OSBPL3: variants seen among roughly 807,000 people sequenced by gnomAD.
OSBPL3 encodes the protein oxysterol binding protein like 3.
OSBPL3 carries 65 observed loss-of-function variants against 120.1 expected under a neutral mutation model. The observed-to-expected ratio is 0.54, with a 90% confidence interval of 0.44 to 0.67. The LOEUF (loss-of-function observed/expected upper bound fraction) is 0.67. OSBPL3 is among the 30% of genes least tolerant of loss of function. The pLI is 0.00. For synonymous variants in OSBPL3, 416 were observed against 402.6 expected (o/e 1.03, Z -0.40); for missense variants, 1,004 against 1,082.1 (o/e 0.93, Z 1.01).
At chr7:24,842,257 A>G in intron 13 of OSBPL3, 22 bp downstream of exon 13, 6 of 1,609,792 alleles carry the variant, frequency 3.7e-6, no homozygotes, top group Non-Finnish European at 4.2e-6. Flanking sequence ...TTGAGGCACC[A>G]TACTGTAAAC....
Position 24,808,419 on chromosome 7 carries a change from TA to T in OSBPL3, c.2317+1387del, listed in dbSNP as rs201342514. Among the ~76,000 whole-genome samples the T allele has an allele frequency of 8.3e-3, 1,257 of 152,280 alleles. 32 individuals carry two copies. The highest frequency in any genetic ancestry group is 0.042 in the Admixed American group (636 of 15,300). ...AGGAATAATGACAGTAACAAAAATT[TA>T]AACAGTGTTGCTTTATCAAGGTGGT... On this transcript the variant is annotated intron_variant, in intron 20 of 22. Coordinates refer to ENST00000313367, the MANE Select transcript of OSBPL3 (RefSeq NM_015550.4). This position sits in a 1 kb window ranked among gnomAD's most constrained non-coding sequence, Gnocchi z 4.6.
In OSBPL3 at chr7:24,871,623, C is replaced by T; in HGVS notation, c.267+119G>A. 1 of 766,686 alleles carries T rather than the reference C, an allele frequency of 1.3e-6. No individual in the cohort carries two copies. Among genetic ancestry groups the T allele is most frequent in the South Asian group, 1.7e-5 (1 of 57,240 alleles). 47.5% of individuals were successfully genotyped at this position (766,686 alleles called of 1,614,324 possible). On this transcript the variant is annotated intron_variant, in intron 4 of 22. Transcript: ENST00000313367. The surrounding 1 kb of genome is among the most constrained non-coding windows in gnomAD (Gnocchi z 4.8). ...CCAGAGCTCAGACAGAAGTGTTTCC[C>T]CTCTATGGTTTCCAGTTCCGAGAAA...
rs546698398 is a variant in OSBPL3, at chr7:24,933,117, C to T, written c.-149-40496G>A. ...TCAGAGAGTAATAACAGGCCACGCACGCAGACGCCTGCAGAACTGGGACCC... is the reference window on the plus strand; with the variant it reads ...TCAGAGAGTAATAACAGGCCACGCATGCAGACGCCTGCAGAACTGGGACCC... On this transcript the variant is annotated intron_variant, in intron 1 of 22. Transcript: ENST00000313367. This position sits in a 1 kb window ranked among gnomAD's most constrained non-coding sequence, Gnocchi z 5.1. Among the ~76,000 whole-genome samples the T allele has an allele frequency of 9.2e-5, 14 of 152,328 alleles. No homozygotes were observed. The highest frequency in any genetic ancestry group is 6.2e-4 in the South Asian group (3 of 4,822).
intron 1 of OSBPL3, among the ~76,000 whole-genome samples, chr7:24,924,049 T>C (rs1398820120): frequency 6.6e-6 from 1 of 152,212 alleles, no homozygotes. Flanking sequence ...TTCTATAAAA[T>C]ATTGATACCT....
intron 19 of OSBPL3, among the ~76,000 whole-genome samples, chr7:24,810,715 C>G (rs1019081095): frequency 8.5e-5 from 13 of 152,180 alleles, no homozygotes; most frequent in African/African-American, 3.1e-4. Flanking sequence ...AAACCCATAT[C>G]AACCATTGTC....
rs1370598872 is a variant in OSBPL3 at position 24,834,984 on chromosome 7, C to T, written c.1496-248G>A. ...TTGAATTGCTCCTCAAAACCTAGTT[C>T]CTCATAGCTCATACACACTTAGAAT... On this transcript the variant is annotated intron_variant, in intron 14 of 22. Coordinates refer to ENST00000313367, the MANE Select transcript of OSBPL3 (RefSeq NM_015550.4). This position sits in a 1 kb window ranked among gnomAD's most constrained non-coding sequence, Gnocchi z 5.2. Among the ~76,000 whole-genome samples the T allele has an allele frequency of 6.6e-6, 1 of 152,154 alleles. No individual in the cohort carries two copies.
At position 24,871,560 on chromosome 7, in the gene OSBPL3, C is replaced by A. The variant is rs116085540; in HGVS notation, c.267+182G>T. Reference sequence around the variant, plus strand: ...CCAGAGAGTGTTGCGGGAGCCCCTGCACCTTGACCTGGTGGAAGAACTGAG... The same window carrying A: ...CCAGAGAGTGTTGCGGGAGCCCCTGAACCTTGACCTGGTGGAAGAACTGAG... On this transcript the variant is annotated intron_variant, in intron 4 of 22. Transcript: ENST00000313367. This position sits in a 1 kb window ranked among gnomAD's most constrained non-coding sequence, Gnocchi z 4.8. Among the ~76,000 whole-genome samples the A allele has an allele frequency of 6.6e-6, 1 of 152,160 alleles. No homozygotes were observed. The highest frequency in any genetic ancestry group is 2.4e-5 in the African/African-American group (1 of 41,420).
At chr7:24,897,106 C>T (rs560923688) in intron 1 of OSBPL3, among the ~76,000 whole-genome samples, 2 of 149,122 alleles carry the variant, frequency 1.3e-5, no homozygotes, top group Admixed American at 6.6e-5. Flanking sequence ...GGAAGGAAGG[C>T]AGGCAGGCAG....
rs1812693073 is a variant in OSBPL3, at chr7:24,938,609, A to G, written c.-150+41277T>C. On this transcript the variant is annotated intron_variant, in intron 1 of 22. Coordinates refer to ENST00000313367, the MANE Select transcript of OSBPL3 (RefSeq NM_015550.4). The surrounding 1 kb of genome is among the most constrained non-coding windows in gnomAD (Gnocchi z 5.8). Reference sequence around the variant, plus strand: ...TGAAGGCCAGAAGAAGGAAAAGTTGAAGAGCAAAAGGGTATACCTCCCAGC... The same window carrying G: ...TGAAGGCCAGAAGAAGGAAAAGTTGGAGAGCAAAAGGGTATACCTCCCAGC... 6.6e-6 allele frequency among the ~76,000 whole-genome samples: 1 copy of G among 152,116 alleles called. No homozygotes were observed. Among genetic ancestry groups the G allele is most frequent in the Non-Finnish European group, 1.5e-5 (1 of 68,020 alleles).
At chr7:24,919,574 G>A (rs1208603260) in intron 1 of OSBPL3, among the ~76,000 whole-genome samples, 1 of 151,936 alleles carries the variant, frequency 6.6e-6, no homozygotes, top group Non-Finnish European at 1.5e-5. Context: ...AGAAAACATA[G>A]GGGTAACTCT....
chr7:24,850,358 A>G (rs772322277), intron 11 of OSBPL3, among the ~76,000 whole-genome samples: 1 of 152,144 alleles, frequency 6.6e-6, no homozygotes, highest in African/African-American at 2.4e-5. Context: ...AGTTCTCCTG[A>G]CTGTCTTCCC....
At chr7:24,908,711 T>C (rs1375041100) in intron 1 of OSBPL3, among the ~76,000 whole-genome samples, 1 of 152,262 alleles carries the variant, frequency 6.6e-6, no homozygotes, top group Non-Finnish European at 1.5e-5. Context: ...GCAGGTATTT[T>C]ACCAACCAGC....
In OSBPL3 at chr7:24,843,312, T is replaced by C. The variant is rs56847784; in HGVS notation, c.1267-899A>G. Among the ~76,000 whole-genome samples the C allele has an allele frequency of 6.9e-3, 1,044 of 152,294 alleles. 6 individuals are homozygous for C. The highest frequency in any genetic ancestry group is 0.024 in the African/African-American group (979 of 41,550). On this transcript the variant is annotated intron_variant, in intron 12 of 22. Transcript: ENST00000313367. ...GAGATTTTGTTTGAGGAGGGCTTCA[T>C]AGAAGTGGCACTTGAGGAAAAAGAA... is the stretch of plus-strand genomic sequence containing the variant.
intron 1 of OSBPL3, among the ~76,000 whole-genome samples, chr7:24,943,190 T>C (rs1813297256): frequency 6.6e-6 from 1 of 152,226 alleles, no homozygotes; most frequent in African/African-American, 2.4e-5. Flanking sequence ...AATTCACTAA[T>C]TTATGTCCCT....
intron 1 of OSBPL3, among the ~76,000 whole-genome samples, chr7:24,897,471 G>A (rs7782396): frequency 0.055 from 8,308 of 151,246 alleles, 256 homozygotes; most frequent in African/African-American, 0.078. Flanking sequence ...GACTACAGGC[G>A]CCCGCTACCA....
chr7:24,811,113 C>A (rs1317696182), intron 19 of OSBPL3, among the ~76,000 whole-genome samples: 2 of 152,190 alleles, frequency 1.3e-5, no homozygotes, highest in Non-Finnish European at 2.9e-5. Flanking sequence ...ATTCTGTTTT[C>A]CATAATAGCT....
At position 24,818,879 on chromosome 7, in the gene OSBPL3, A is replaced by G. The variant is rs1218768106; in HGVS notation, c.1948+1296T>C. Among the ~76,000 whole-genome samples the G allele has an allele frequency of 2.6e-5, 4 of 152,178 alleles. No individual in the cohort carries two copies. Among genetic ancestry groups the G allele is most frequent in the Non-Finnish European group, 4.4e-5 (3 of 68,028 alleles). ...CTGATGGGGAAGTATGGCCTAGGAG[A>G]AGGATGCTAAGGCTGAGAAGGGAAG... On this transcript the variant is annotated intron_variant, in intron 17 of 22. Transcript: ENST00000313367. This position sits in a 1 kb window ranked among gnomAD's most constrained non-coding sequence, Gnocchi z 4.0.
chr7:24,862,188 G>A lies in OSBPL3; in HGVS notation c.871-419C>T, dbSNP rs1386701397. Among the ~76,000 whole-genome samples, 1 of 152,138 alleles carries A rather than the reference G, an allele frequency of 6.6e-6. No homozygotes were observed. The highest frequency in any genetic ancestry group is 1.5e-5 in the Non-Finnish European group (1 of 68,016). On this transcript the variant is annotated intron_variant, in intron 9 of 22. Coordinates refer to ENST00000313367, the MANE Select transcript of OSBPL3 (RefSeq NM_015550.4). This position sits in a 1 kb window ranked among gnomAD's most constrained non-coding sequence, Gnocchi z 4.4. ...GGCGTGAGCCACCGCGCCCAGCCTAGGTAGGTCTTTCTACTGAGTGATAAC... is the reference window on the plus strand; with the variant it reads ...GGCGTGAGCCACCGCGCCCAGCCTAAGTAGGTCTTTCTACTGAGTGATAAC...
intron 20 of OSBPL3, among the ~76,000 whole-genome samples, chr7:24,809,591 C>T (rs748642437): frequency 2.0e-5 from 3 of 152,070 alleles, no homozygotes; most frequent in African/African-American, 4.8e-5. Context: ...GTTAAGAACC[C>T]GGGACCCAGC....
Sources: gnomAD v4.1 joint callset for allele counts (sites outside exome capture counted in the v4.1 genomes callset) on GRCh38, gnomAD v4.1.1 for gene constraint, Gnocchi (gnomAD v3.1) non-coding constraint, MANE v1.5 for transcripts, NCBI Gene and HGNC (gene_info 2026-07-23, HGNC 2026-07-21) for gene names.